Variants in ANXA3 observed in about 807,000 individuals in gnomAD.
ANXA3 encodes the protein annexin A3.
In ANXA3, 46 loss-of-function variants were observed where a neutral mutation model predicts 48.8. The ratio of observed to expected loss-of-function variants is 0.94; its 90% CI spans 0.74 to 1.21. ANXA3 has a LOEUF of 1.21. Ranked by LOEUF, ANXA3 falls within the 50% of genes most tolerant of loss-of-function variation. The pLI is 0.00. For synonymous variants in ANXA3, 128 were observed against 134.7 expected, an observed-to-expected ratio of 0.95 and a Z score of 0.35; for missense variants, 383 against 378.6, an observed-to-expected ratio of 1.01 and a Z score of -0.10.
At chr4:78,607,012 T>C (rs1723663216) in intron 12 of ANXA3, among the ~76,000 whole-genome samples, 1 of 152,218 alleles carries the variant, frequency 6.6e-6, no homozygotes, top group South Asian at 2.1e-4. Flanking sequence ...ACACATTTTC[T>C]AAAGATTGTC....
At chr4:78,591,748 T>C in intron 7 of ANXA3, 125 bp downstream of exon 7, 1 of 674,540 alleles carries the variant, frequency 1.5e-6, no homozygotes, top group Non-Finnish European at 2.6e-6. Flanking sequence ...AAATGGTTTG[T>C]TCATTTTACA....
chr4:78,601,403 A>G, intron 10 of ANXA3, 107 bp from the exon 11 acceptor site: 1 of 973,560 alleles, frequency 1.0e-6, no homozygotes, highest in Admixed American at 1.9e-5. Flanking sequence ...GGGAGGGGAT[A>G]GAGTGGTATG....
intron 6 of ANXA3, among the ~76,000 whole-genome samples, chr4:78,589,893 A>G (rs982260063): frequency 4.6e-5 from 7 of 152,220 alleles, no homozygotes; most frequent in African/African-American, 1.7e-4. Flanking sequence ...TCTAAAGTCA[A>G]TGGTGTGTGA....
intron 2 of ANXA3, among the ~76,000 whole-genome samples, chr4:78,555,127 C>T (rs992421989): frequency 2.0e-5 from 3 of 152,154 alleles, no homozygotes; most frequent in African/African-American, 7.2e-5. Flanking sequence ...ATCGCCTGAA[C>T]CTGGGAGGCA....
intron 6 of ANXA3, among the ~76,000 whole-genome samples, chr4:78,590,678 T>C (rs1412773343): frequency 6.6e-6 from 1 of 152,118 alleles, no homozygotes; most frequent in Non-Finnish European, 1.5e-5. Flanking sequence ...TACTAAAATA[T>C]ATGAACACAC....
intron 12 of ANXA3, among the ~76,000 whole-genome samples, chr4:78,607,329 G>A (rs1443342091): frequency 4.6e-5 from 7 of 152,092 alleles, no homozygotes; most frequent in Admixed American, 4.6e-4. Flanking sequence ...AAATTCATGG[G>A]ATAGAGTTCC....
intron 2 of ANXA3, among the ~76,000 whole-genome samples, chr4:78,570,071 A>C (rs1388131372): frequency 3.3e-5 from 5 of 152,264 alleles, no homozygotes; most frequent in Admixed American, 3.3e-4. Flanking sequence ...AACCAAGTCT[A>C]TCAAATGAAT....
At chr4:78,580,918 A>G (rs141823358) in intron 4 of ANXA3, among the ~76,000 whole-genome samples, 1 of 152,252 alleles carries the variant, frequency 6.6e-6, no homozygotes. Context: ...CATACAGAGA[A>G]GGTGAATGAT....
chr4:78,559,865 A>G (rs771424382), intron 2 of ANXA3, among the ~76,000 whole-genome samples: 2 of 152,248 alleles, frequency 1.3e-5, no homozygotes, highest in Non-Finnish European at 2.9e-5. Context: ...AGTGCCTGGC[A>G]TGGAGTGAGC....
chr4:78,589,566 A>G (rs558944006), intron 6 of ANXA3, among the ~76,000 whole-genome samples: 1 of 152,328 alleles, frequency 6.6e-6, no homozygotes, highest in East Asian at 1.9e-4. Flanking sequence ...TCTTGACACC[A>G]GCAAGTAACA....
intron 7 of ANXA3, among the ~76,000 whole-genome samples, chr4:78,592,568 C>T (rs947507179): frequency 2.6e-5 from 4 of 152,152 alleles, no homozygotes; most frequent in African/African-American, 4.8e-5. Flanking sequence ...TGAATGCACC[C>T]ACCCACAGGA....
chr4:78,562,178 T>C (rs1451652252), intron 2 of ANXA3, among the ~76,000 whole-genome samples: 1 of 152,034 alleles, frequency 6.6e-6, no homozygotes, highest in Admixed American at 6.6e-5. Context: ...GGAGAAGGTA[T>C]GATTTGTTCT....
chr4:78,606,365 C>T (rs945209664), intron 12 of ANXA3, among the ~76,000 whole-genome samples: 2 of 152,180 alleles, frequency 1.3e-5, no homozygotes, highest in Non-Finnish European at 2.9e-5. Flanking sequence ...GGAGTCCATG[C>T]TGATTAGACC....
intron 3 of ANXA3, among the ~76,000 whole-genome samples, chr4:78,576,696 A>C (rs945598407): frequency 6.6e-6 from 1 of 152,116 alleles, no homozygotes; most frequent in Admixed American, 6.5e-5. Context: ...TTCTTCATGA[A>C]TTTGCACTTT....
intron 2 of ANXA3, among the ~76,000 whole-genome samples, chr4:78,568,790 T>A (rs1244968628): frequency 2.0e-5 from 3 of 152,050 alleles, no homozygotes; most frequent in Non-Finnish European, 4.4e-5. Context: ...GGCTTCAAGG[T>A]GTCATGTGCT....
At position 78,610,131 on chromosome 4, in the gene ANXA3, T is replaced by A; in HGVS notation, c.*16T>A. The A allele has an allele frequency of 6.3e-7, 1 of 1,598,082 alleles. No homozygotes were observed. Among genetic ancestry groups the A allele is most frequent in the Non-Finnish European group, 8.6e-7 (1 of 1,168,142 alleles). ...AGATGACTGAACCAAGAAGATAATC[T>A]CCAAAGGTCCACGATGGGCTTTCCC... On this transcript the variant is annotated 3_prime_UTR_variant, in exon 13 of 13. Coordinates refer to ENST00000264908, the MANE Select transcript of ANXA3 (RefSeq NM_005139.3).
chr4:78,610,198 A>C lies in ANXA3; in HGVS notation c.*83A>C. 1.1e-6 allele frequency: 1 copy of C among 951,520 alleles called. No individual in the cohort carries two copies. The highest frequency in any genetic ancestry group is 1.6e-6 in the Non-Finnish European group (1 of 625,480). The allele number at this position is 951,520 out of a possible 1,614,324, so 58.9% of individuals were successfully genotyped here. ...TTCTTCTCATACTATTTAAGAGAAC[A>C]AGCAAATATAAACAGCAACTTGTGT... On this transcript the variant is annotated 3_prime_UTR_variant, in exon 13 of 13. Coordinates refer to ENST00000264908, the MANE Select transcript of ANXA3 (RefSeq NM_005139.3).
intron 3 of ANXA3, among the ~76,000 whole-genome samples, chr4:78,575,705 A>G (rs1239242949): frequency 6.6e-6 from 1 of 152,190 alleles, no homozygotes; most frequent in Non-Finnish European, 1.5e-5. Context: ...GGTTACAGTA[A>G]TTTTTATTGC....
At position 78,562,925 on chromosome 4, in the gene ANXA3, A is replaced by G. The variant is rs532519862; in HGVS notation, c.15+8437A>G. Among the ~76,000 whole-genome samples the G allele has an allele frequency of 7.9e-5, 12 of 152,326 alleles. No homozygotes were observed. The South Asian group carries it at 2.5e-3, about 32-fold the overall frequency. Reference sequence around the variant, plus strand: ...GAGGCAGATGGGCAAGACACATTTGAATGCAACAGGAAGATTCCCACGAAG... The same window carrying G: ...GAGGCAGATGGGCAAGACACATTTGGATGCAACAGGAAGATTCCCACGAAG... On this transcript the variant is annotated intron_variant, in intron 2 of 12. Transcript: ENST00000264908.
Sources: gnomAD v4.1 joint callset for allele counts (sites outside exome capture counted in the v4.1 genomes callset) on GRCh38, gnomAD v4.1.1 for gene constraint, MANE v1.5 for transcripts, NCBI Gene and HGNC (gene_info 2026-07-23, HGNC 2026-07-21) for gene names.